ACYP2: variants seen among roughly 807,000 people sequenced by gnomAD.
The protein encoded by ACYP2 is acylphosphatase-2.
A neutral mutation model predicts 11.2 loss-of-function variants in ACYP2; 12 were observed. The observed-to-expected ratio is 1.08, with a 90% CI of 0.69 to 1.74. ACYP2 has a LOEUF of 1.74. Ranked by LOEUF, ACYP2 falls within the 40% of genes most tolerant of loss-of-function variation. ACYP2 has a pLI of 0.00. For synonymous variants in ACYP2, 43 were observed against 32.2 expected (o/e 1.33, Z -1.13); for missense variants, 134 against 101.9 (o/e 1.31, Z -1.35).
At chr2:54,292,848 T>C (rs533162562) in intron 6 of ACYP2, among the ~76,000 whole-genome samples, 2 of 152,328 alleles carry the variant, frequency 1.3e-5, no homozygotes, top group African/African-American at 4.8e-5. Flanking sequence ...ATTTATACTT[T>C]AGCAGTCAAT....
At chr2:54,012,898 G>T (rs570450387) in intron 2 of ACYP2, among the ~76,000 whole-genome samples, 2 of 152,150 alleles carry the variant, frequency 1.3e-5, no homozygotes, top group South Asian at 2.1e-4. Context: ...GGCCCTGAGT[G>T]CTCTGACCTG....
chr2:54,254,834 G>A, intron 6 of ACYP2: 8 of 1,350,560 alleles, frequency 5.9e-6, no homozygotes, highest in Admixed American at 2.2e-5. Context: ...AAAAAGTAAA[G>A]GGCATACCTA....
At chr2:54,134,712 T>G (rs1681121342) in intron 4 of ACYP2, among the ~76,000 whole-genome samples, 1 of 152,260 alleles carries the variant, frequency 6.6e-6, no homozygotes, top group African/African-American at 2.4e-5. Flanking sequence ...AACATTTTAT[T>G]TATTTCATTT....
chr2:54,062,626 C>A (rs1676527827), intron 4 of ACYP2, among the ~76,000 whole-genome samples: 1 of 152,220 alleles, frequency 6.6e-6, no homozygotes, highest in African/African-American at 2.4e-5. Flanking sequence ...GAGTTTTAAA[C>A]TGGAATGTCT....
intron 6 of ACYP2, among the ~76,000 whole-genome samples, chr2:54,221,392 T>G (rs1685795806): frequency 6.6e-6 from 1 of 152,144 alleles, no homozygotes; most frequent in South Asian, 2.1e-4. Flanking sequence ...AGTAAAATTA[T>G]AGATGGCTAA....
chr2:54,250,931 C>A (rs772700977), intron 6 of ACYP2, among the ~76,000 whole-genome samples: 5 of 152,046 alleles, frequency 3.3e-5, no homozygotes, highest in Admixed American at 6.5e-5. Flanking sequence ...AAGAGGGAGG[C>A]CTGAAAAGAC....
intron 6 of ACYP2, among the ~76,000 whole-genome samples, chr2:54,303,846 G>T (rs1230592987): frequency 6.6e-6 from 1 of 152,178 alleles, no homozygotes; most frequent in Non-Finnish European, 1.5e-5. Flanking sequence ...GTATAAAACA[G>T]CCTTGTTTTA....
At chr2:54,147,740 G>A (rs1681961310) in intron 6 of ACYP2, among the ~76,000 whole-genome samples, 1 of 152,016 alleles carries the variant, frequency 6.6e-6, no homozygotes, top group Admixed American at 6.6e-5. Flanking sequence ...GTCTATGCTG[G>A]TCTTCAACTC....
At chr2:54,125,310 G>T (rs777687513) in intron 4 of ACYP2, among the ~76,000 whole-genome samples, 2 of 151,968 alleles carry the variant, frequency 1.3e-5, no homozygotes, top group African/African-American at 4.8e-5. Context: ...AATCCTGAAA[G>T]ATACAATTCC....
intron 6 of ACYP2, among the ~76,000 whole-genome samples, chr2:54,224,276 G>C (rs1325113571): frequency 6.6e-6 from 1 of 152,192 alleles, no homozygotes; most frequent in Non-Finnish European, 1.5e-5. Flanking sequence ...CCGAACTCTT[G>C]TCCTGCACCC....
At chr2:54,255,664 T>C (rs1687474842) in intron 6 of ACYP2, 6 of 1,613,722 alleles carry the variant, frequency 3.7e-6, no homozygotes, top group African/African-American at 1.3e-5. Flanking sequence ...TGGCTTCTCA[T>C]CCACTGGGGC....
At position 54,177,733 on chromosome 2, in the gene ACYP2, A is replaced by G. The variant is rs139688686; in HGVS notation, c.404+38985A>G. On this transcript the variant is annotated intron_variant, in intron 6 of 6. Coordinates refer to ENST00000607452, the MANE Select transcript of ACYP2 (RefSeq NM_001320586.2). ...GCTGGGACTACAGGCACGCACCACC[A>G]TGCCCAGATAATTTTTTGTATTTTT... Among the ~76,000 whole-genome samples the G allele has an allele frequency of 1.4e-3, 208 of 151,738 alleles. 1 individual carries two copies. Among genetic ancestry groups the G allele is most frequent in the African/African-American group, 4.9e-3 (202 of 41,334 alleles).
intron 4 of ACYP2, among the ~76,000 whole-genome samples, chr2:54,090,909 T>G (rs1451402952): frequency 1.3e-5 from 2 of 152,216 alleles, no homozygotes; most frequent in Non-Finnish European, 2.9e-5. Context: ...TTTGGATGAT[T>G]TTACCATCTA....
At chr2:53,995,620 T>C (rs954079369) in intron 2 of ACYP2, among the ~76,000 whole-genome samples, 3 of 151,584 alleles carry the variant, frequency 2.0e-5, no homozygotes, top group African/African-American at 7.3e-5. Flanking sequence ...TTCCAGCTAA[T>C]TTTTTTATTT....
chr2:54,171,350 T>A (rs1300166696), intron 6 of ACYP2, among the ~76,000 whole-genome samples: 2 of 152,262 alleles, frequency 1.3e-5, no homozygotes, highest in South Asian at 4.2e-4. Flanking sequence ...ATGGGAATGT[T>A]ATCGGGGGGC....
rs190311641 is a variant in ACYP2, at chr2:54,059,210, C to T, written c.277+1850C>T. Among the ~76,000 whole-genome samples the T allele has an allele frequency of 3.7e-3, 558 of 151,656 alleles. 2 individuals carry two copies. Among genetic ancestry groups the T allele is most frequent in the Middle Eastern group, 0.024 (7 of 294 alleles). ...TCTTATCATTTTTCTTTCTTTCTTTCTTTTTCTTTTTCTTTTTTTTCTTTT... is the reference window on the plus strand; with the variant it reads ...TCTTATCATTTTTCTTTCTTTCTTTTTTTTTCTTTTTCTTTTTTTTCTTTT... On this transcript the variant is annotated intron_variant, in intron 4 of 6. Transcript: ENST00000607452.
At chr2:54,255,767 G>C (rs754096367) in intron 6 of ACYP2, 23 of 1,613,822 alleles carry the variant, frequency 1.4e-5, no homozygotes, top group East Asian at 2.2e-5. Context: ...CAGGTTTCTA[G>C]AGCCTTCTCC....
intron 6 of ACYP2, among the ~76,000 whole-genome samples, chr2:54,276,800 T>G (rs1408392495): frequency 6.6e-6 from 1 of 152,210 alleles, no homozygotes; most frequent in Admixed American, 6.5e-5. Context: ...CATTCTTATT[T>G]CACGGGGTAA....
chr2:54,096,061 C>T (rs1678546964), intron 4 of ACYP2, among the ~76,000 whole-genome samples: 1 of 132,396 alleles, frequency 7.6e-6, no homozygotes, highest in Non-Finnish European at 1.6e-5. Context: ...GGCTGACCCC[C>T]ACCTCCCTCC....
Sources: allele counts gnomAD v4.1 joint callset (sites outside exome capture counted in the v4.1 genomes callset), GRCh38; gene constraint gnomAD v4.1.1; transcripts MANE v1.5; gene names NCBI Gene and HGNC (gene_info 2026-07-23, HGNC 2026-07-21).